Variants in DNAJC1 observed in about 807,000 individuals in gnomAD.
DNAJC1 encodes the protein dnaJ homolog subfamily C member 1.
In DNAJC1, 58 loss-of-function variants were observed where a neutral mutation model predicts 76.6. The observed-to-expected ratio is 0.76, with a 90% CI of 0.61 to 0.94. DNAJC1 has a LOEUF of 0.94. Ranked by LOEUF, DNAJC1 falls within the 40% of genes least tolerant of loss-of-function variation. The probability of loss-of-function intolerance (pLI) is 0.00; values close to 1 mark genes in which losing one functional copy is unlikely to be tolerated. For synonymous variants in DNAJC1, 258 were observed against 267.9 expected, an observed-to-expected ratio of 0.96 and a Z score of 0.36; for missense variants, 689 against 677.3, an observed-to-expected ratio of 1.02 and a Z score of -0.19.
chr10:21,928,690 A>T, intron 2 of DNAJC1, 138 bp from the exon 3 acceptor site: 1 of 651,434 alleles, frequency 1.5e-6, no homozygotes, highest in East Asian at 2.7e-5. Flanking sequence ...TCTCCTTTAT[A>T]AGTAACACTA....
At chr10:21,797,113 A>T (rs540031075) in intron 9 of DNAJC1, among the ~76,000 whole-genome samples, 174 of 150,306 alleles carry the variant, frequency 1.2e-3, no homozygotes, top group Non-Finnish European at 8.0e-4. Flanking sequence ...CATTAAAAAA[A>T]TTTTTTTTTT....
intron 1 of DNAJC1, among the ~76,000 whole-genome samples, chr10:21,937,758 T>G (rs1837332556): frequency 6.6e-6 from 1 of 152,168 alleles, no homozygotes; most frequent in Non-Finnish European, 1.5e-5. Context: ...GAAATCATAC[T>G]ACGTTATCTT....
intron 8 of DNAJC1, among the ~76,000 whole-genome samples, chr10:21,871,807 G>A (rs1270681171): frequency 6.6e-6 from 1 of 151,742 alleles, no homozygotes; most frequent in Admixed American, 6.6e-5. Context: ...AGCTAATTTT[G>A]TATTTTTAGT....
At chr10:21,946,430 C>T (rs1837506411) in intron 1 of DNAJC1, among the ~76,000 whole-genome samples, 1 of 151,992 alleles carries the variant, frequency 6.6e-6, no homozygotes, top group South Asian at 2.1e-4. Flanking sequence ...AAGTGAGATA[C>T]CACTACATAC....
At chr10:21,777,625 T>C (rs2131625462) in intron 9 of DNAJC1, among the ~76,000 whole-genome samples, 1 of 152,306 alleles carries the variant, frequency 6.6e-6, no homozygotes, top group East Asian at 1.9e-4. Context: ...GATCAAGGTA[T>C]GACAAAGAAC....
At chr10:21,895,494 G>A (rs60793805) in intron 7 of DNAJC1, among the ~76,000 whole-genome samples, 5,256 of 152,180 alleles carry the variant, frequency 0.035, 156 homozygotes, top group African/African-American at 0.067. Context: ...ATTGTTCAGG[G>A]TGCTTCATGG....
intron 8 of DNAJC1, among the ~76,000 whole-genome samples, chr10:21,872,053 T>C (rs952420550): frequency 6.6e-6 from 1 of 150,660 alleles, no homozygotes. Flanking sequence ...ATGAACTTTC[T>C]AGACAAAACG....
At chr10:21,942,744 T>A (rs1405395434) in intron 1 of DNAJC1, among the ~76,000 whole-genome samples, 1 of 147,498 alleles carries the variant, frequency 6.8e-6, no homozygotes. Context: ...AGGCGGAACT[T>A]GTAGTGAGCC....
intron 6 of DNAJC1, among the ~76,000 whole-genome samples, chr10:21,907,469 C>T (rs530152481): frequency 6.6e-6 from 1 of 152,202 alleles, no homozygotes; most frequent in Admixed American, 6.5e-5. Context: ...TTTGGGGTAT[C>T]ACACTTTAAG....
intron 10 of DNAJC1, among the ~76,000 whole-genome samples, chr10:21,761,127 C>A (rs1834235339): frequency 6.6e-6 from 1 of 152,192 alleles, no homozygotes; most frequent in African/African-American, 2.4e-5. Context: ...CTGCAGTGAG[C>A]CAAGACTGTG....
At chr10:21,907,322 T>C (rs1836763031) in intron 6 of DNAJC1, among the ~76,000 whole-genome samples, 1 of 152,018 alleles carries the variant, frequency 6.6e-6, no homozygotes, top group South Asian at 2.1e-4. Context: ...TTTTTTTTTT[T>C]CATATCTTAC....
intron 9 of DNAJC1, among the ~76,000 whole-genome samples, chr10:21,785,955 C>G (rs1834601324): frequency 6.6e-6 from 1 of 152,158 alleles, no homozygotes; most frequent in South Asian, 2.1e-4. Flanking sequence ...CCTATAAGAT[C>G]ACTAGGAATG....
chr10:21,822,070 T>G (rs1442425199), intron 8 of DNAJC1, among the ~76,000 whole-genome samples: 1 of 152,170 alleles, frequency 6.6e-6, no homozygotes, highest in Non-Finnish European at 1.5e-5. Flanking sequence ...GGAATCTAAT[T>G]ACCATTTTGA....
chr10:21,769,991 T>G (rs1834354579), intron 9 of DNAJC1, among the ~76,000 whole-genome samples: 1 of 152,210 alleles, frequency 6.6e-6, no homozygotes. Flanking sequence ...CGGCCTAAAC[T>G]CATCAGTTTT....
intron 8 of DNAJC1, among the ~76,000 whole-genome samples, chr10:21,847,501 T>C (rs1274944045): frequency 2.0e-5 from 3 of 152,160 alleles, no homozygotes; most frequent in Non-Finnish European, 4.4e-5. Context: ...CTGTTAACTA[T>C]GGTCACTCTA....
intron 6 of DNAJC1, among the ~76,000 whole-genome samples, chr10:21,907,451 G>A (rs1172432842): frequency 6.6e-6 from 1 of 151,878 alleles, no homozygotes. Context: ...AACCATCCCT[G>A]TGTATAGTTT....
intron 7 of DNAJC1, among the ~76,000 whole-genome samples, chr10:21,883,285 C>CACACACACAT (rs1313487067): frequency 1.2e-4 from 18 of 148,558 alleles, no homozygotes; most frequent in Non-Finnish European, 5.9e-5. Context: ...CACACACACA[C>CACACACACAT]ACACACACAC....
intron 5 of DNAJC1, 53 bp from the exon 6 acceptor site, chr10:21,918,925 G>A (rs1836996802): frequency 7.8e-7 from 1 of 1,285,494 alleles, no homozygotes; most frequent in East Asian, 2.3e-5. Context: ...AATATACAGA[G>A]AAAGTTGGGA....
chr10:21,821,665 T>G (rs1247655827), intron 8 of DNAJC1, among the ~76,000 whole-genome samples: 5 of 152,176 alleles, frequency 3.3e-5, no homozygotes, highest in African/African-American at 9.7e-5. Flanking sequence ...CTCCTAGGAT[T>G]CATGATACTC....
Sources: gnomAD v4.1 joint callset for allele counts (sites outside exome capture counted in the v4.1 genomes callset) on GRCh38, gnomAD v4.1.1 for gene constraint, MANE v1.5 for transcripts, NCBI Gene and HGNC (gene_info 2026-07-23, HGNC 2026-07-21) for gene names.